Variants in GCN1 observed in about 807,000 individuals in gnomAD.
The protein encoded by GCN1 is stalled ribosome sensor GCN1.
In GCN1, 90 loss-of-function variants were observed where a neutral mutation model predicts 288.4. The observed-to-expected ratio is 0.31, with a 90% CI of 0.26 to 0.37. GCN1 has a LOEUF of 0.37. GCN1 is among the 10% of genes least tolerant of loss of function. GCN1 has a pLI of 1.00. For synonymous variants in GCN1, 1,386 were observed against 1,420.2 expected (o/e 0.98, Z 0.54); for missense variants, 2,586 against 3,419.9 (o/e 0.76, Z 6.08).
intron 2 of GCN1, among the ~76,000 whole-genome samples, chr12:120,187,889 A>AT (rs1878870524): frequency 1.3e-5 from 2 of 149,806 alleles, no homozygotes; most frequent in Non-Finnish European, 3.0e-5. Context: ...AAAGAAATGA[A>AT]AAAAAAAAAA....
chr12:120,164,795 T>C, intron 16 of GCN1, 74 bp from the exon 17 acceptor site: 1 of 899,976 alleles, frequency 1.1e-6, no homozygotes, highest in Non-Finnish European at 1.8e-6. Flanking sequence ...TACCCAGAAA[T>C]AACTGGAATG....
At chr12:120,154,639 C>T (rs1224026241) in intron 31 of GCN1, among the ~76,000 whole-genome samples, 2 of 152,226 alleles carry the variant, frequency 1.3e-5, no homozygotes, top group Non-Finnish European at 2.9e-5. Flanking sequence ...CGCTCACGGT[C>T]ACGCAGCTAG....
intron 14 of GCN1, among the ~76,000 whole-genome samples, chr12:120,171,921 C>T (rs1878325222): frequency 2.6e-5 from 4 of 152,180 alleles, no homozygotes; most frequent in Admixed American, 2.6e-4. Flanking sequence ...GAGACAGAGT[C>T]TTGCTATGTT....
chr12:120,151,303 T>A lies in GCN1; in HGVS notation c.4151A>T (p.Gln1384Leu). Residue 1384 changes from glutamine (Q) to leucine (L), a missense_variant, in exon 34 of 58, where the codon CAG (glutamine) becomes CTG (leucine). Around this residue, in one of 8 missense-constraint regions of GCN1, gnomAD observed 332 missense variants for 403.0 expected, o/e 0.82. Coordinates refer to ENST00000300648, the MANE Select transcript of GCN1 (RefSeq NM_006836.2). ...TGCGTACTTGTCTGACTCCAGCAGC[T>A]GCTGCATAAGCCTCTGGATCATCCC... ...AGGMIQRLMQ[Q>L]LLESDKYAER... 6.2e-7 allele frequency: 1 copy of A among 1,614,168 alleles called. No homozygotes were observed. Among genetic ancestry groups the A allele is most frequent in the Non-Finnish European group, 8.5e-7 (1 of 1,180,018 alleles).
At chr12:120,162,115 TCCA>T in intron 20 of GCN1, 57 bp from the exon 21 acceptor site, 3 of 1,447,234 alleles carry the variant, frequency 2.1e-6, no homozygotes, top group Non-Finnish European at 1.9e-6. Flanking sequence ...TGGCAAGAGG[TCCA>T]CCACACCTGA....
intron 56 of GCN1, 142 bp from the exon 57 acceptor site, chr12:120,129,636 G>A (rs965282376): frequency 6.6e-5 from 44 of 663,614 alleles, no homozygotes; most frequent in East Asian, 1.6e-4. Flanking sequence ...AGCATGACTC[G>A]ACCCTGGTTT....
chr12:120,149,545 C>T (rs930223420), intron 36 of GCN1, 61 bp downstream of exon 36: 2 of 1,188,830 alleles, frequency 1.7e-6, no homozygotes, highest in African/African-American at 1.5e-5. Flanking sequence ...ACCCAGGATC[C>T]TTGCTGAGGC....
At chr12:120,147,422 G>A in intron 37 of GCN1, 150 bp from the exon 38 acceptor site, 1 of 458,166 alleles carries the variant, frequency 2.2e-6, no homozygotes, top group South Asian at 5.8e-5. Flanking sequence ...GGGAAGACAG[G>A]AAACCCACAA....
At chr12:120,161,781 T>C (rs1159872907) in intron 21 of GCN1, 99 bp downstream of exon 21, 8 of 1,183,144 alleles carry the variant, frequency 6.8e-6, no homozygotes, top group Non-Finnish European at 9.8e-6. Context: ...ATGGATAGGC[T>C]GTTGCATTCA....
At position 120,156,765 on chromosome 12, in the gene GCN1, C is replaced by A; in HGVS notation, c.3168+147G>T. 2 of 886,594 alleles carry A rather than the reference C, an allele frequency of 2.3e-6. No individual in the cohort carries two copies. Among genetic ancestry groups the A allele is most frequent in the South Asian group, 1.5e-5 (1 of 65,196 alleles). The allele number at this position is 886,594 out of a possible 1,614,324, so 54.9% of individuals were successfully genotyped here. A position where few individuals can be genotyped will look rare whatever the true frequency, so the allele number is the denominator to read the frequency against. On this transcript the variant is annotated intron_variant, in intron 27 of 57. Transcript: ENST00000300648. The surrounding 1 kb of genome is among the most constrained non-coding windows in gnomAD (Gnocchi z 5.8). ...AGCAAAACCCCTCACTAGCTAACAACAGTCAGGCTGGCTCTCTAAAGCAGT... is the reference window on the plus strand; with the variant it reads ...AGCAAAACCCCTCACTAGCTAACAAAAGTCAGGCTGGCTCTCTAAAGCAGT...
chr12:120,161,648 C>A, intron 21 of GCN1, 65 bp from the exon 22 acceptor site: 1 of 1,219,278 alleles, frequency 8.2e-7, no homozygotes, highest in Non-Finnish European at 1.2e-6. Flanking sequence ...AGCCTCCCGC[C>A]AGCCATGCAA....
chr12:120,176,148 A>G lies in GCN1; in HGVS notation c.908T>C (p.Leu303Pro). 1.2e-6 allele frequency: 2 copies of G among 1,605,740 alleles called. No homozygotes were observed. Among genetic ancestry groups the G allele is most frequent in the Non-Finnish European group, 1.7e-6 (2 of 1,172,318 alleles). ...SQYAMDIVKG[L>P]AGHLKSNSPR... ...AGAGGGGCTGGGATACTCACCAGCC[A>G]GTCCTTTCACGATGTCCATGGCATA... The change falls in exon 10 of 58, where the codon CTG becomes CCG. Residue 303 changes from leucine (L) to proline (P), a missense_variant. Leu to Pro is a moderately conservative substitution (Grantham distance 98, BLOSUM62 -3). Around this residue, in one of 8 missense-constraint regions of GCN1, gnomAD observed 913 missense variants for 1,107.0 expected, o/e 0.82. Transcript: ENST00000300648.
Position 120,181,278 on chromosome 12 carries a change from C to A in GCN1, c.426+2291G>T, listed in dbSNP as rs983160695. On this transcript the variant is annotated intron_variant, in intron 5 of 57. Transcript: ENST00000300648. ...CCCAGGAGTTCGAGACCAACCCGGG[C>A]AACAAAAGAAAACCCCATCTCTAAA... Among the ~76,000 whole-genome samples the A allele has an allele frequency of 4.0e-5, 6 of 151,358 alleles. No individual in the cohort carries two copies. In the East Asian group the frequency reaches 5.9e-4, roughly 15 times the overall value.
chr12:120,130,686 C>A lies in GCN1; in HGVS notation c.7631G>T (p.Gly2544Val). 1 of 1,614,042 alleles carries A rather than the reference C, an allele frequency of 6.2e-7. No individual in the cohort carries two copies. The highest frequency in any genetic ancestry group is 8.5e-7 in the Non-Finnish European group (1 of 1,179,918). The change falls in exon 56 of 58, where the codon GGA becomes GTA. Residue 2544 changes from glycine (G) to valine (V), a missense_variant. This residue lies in a region of GCN1 where 355 missense variants were observed against 431.1 expected (regional missense o/e 0.82). Coordinates refer to ENST00000300648, the MANE Select transcript of GCN1 (RefSeq NM_006836.2). Reference protein sequence around the residue: ...FLMRHHIETGGGQLPAKLSSL... With the variant: ...FLMRHHIETGVGQLPAKLSSL... ...GGAAAGTTTGGCCGGCAACTGCCCT[C>A]CGCCTGTCTCGATGTGGTGTCTCAT... is the stretch of plus-strand genomic sequence containing the variant.
chr12:120,137,792 A>G lies in GCN1; in HGVS notation c.6416T>C (p.Val2139Ala). ...TGTGTCATCCTCTACGGAGAGGATC[A>G]CAGCCTGACAATTGGCCATCTCCTG... ...EQLEMANCQA[V>A]ILSVEDDTGH... Residue 2139 changes from valine (V) to alanine (A), a missense_variant, in exon 49 of 58, where the codon GTG (valine) becomes GCG (alanine). Physicochemically the swap from Val to Ala is moderately conservative, Grantham distance 64. Around this residue, in one of 8 missense-constraint regions of GCN1, gnomAD observed 437 missense variants for 570.5 expected, o/e 0.77. Coordinates refer to ENST00000300648, the MANE Select transcript of GCN1 (RefSeq NM_006836.2). This position sits in a 1 kb window ranked among gnomAD's most constrained non-coding sequence, Gnocchi z 5.2. The G allele has an allele frequency of 6.2e-7, 1 of 1,613,840 alleles. No homozygotes were observed. The highest frequency in any genetic ancestry group is 1.1e-5 in the South Asian group (1 of 91,090).
At chr12:120,172,783 C>A (rs1010716267) in intron 14 of GCN1, among the ~76,000 whole-genome samples, 1 of 152,010 alleles carries the variant, frequency 6.6e-6, no homozygotes, top group South Asian at 2.1e-4. Context: ...TGCTGGTAGG[C>A]GTGAGCCACT....
At chr12:120,160,344 A>G (rs1483022917) in intron 22 of GCN1, 89 bp from the exon 23 acceptor site, 3 of 866,156 alleles carry the variant, frequency 3.5e-6, no homozygotes, top group Non-Finnish European at 5.7e-6. Flanking sequence ...TTCCACACAA[A>G]CAGCACCATA....
At chr12:120,180,670 G>A (rs1200575944) in intron 5 of GCN1, among the ~76,000 whole-genome samples, 3 of 151,408 alleles carry the variant, frequency 2.0e-5, no homozygotes, top group Non-Finnish European at 4.4e-5. Flanking sequence ...CTAGTGAGTC[G>A]TGTGAACTGC....
intron 36 of GCN1, 134 bp from the exon 37 acceptor site, chr12:120,148,480 G>A (rs1566303267): frequency 1.4e-6 from 1 of 692,974 alleles, no homozygotes; most frequent in African/African-American, 1.8e-5. Flanking sequence ...TGGGAGGAGG[G>A]GAGAGGGGGC....
Sources: gnomAD v4.1 joint callset for allele counts (sites outside exome capture counted in the v4.1 genomes callset) on GRCh38, gnomAD v4.1.1 for gene constraint, gnomAD v4.1.1 regional missense constraint, Gnocchi (gnomAD v3.1) non-coding constraint, MANE v1.5 for transcripts, NCBI Gene and HGNC (gene_info 2026-07-23, HGNC 2026-07-21) for gene names.